The following RBPJ variants were observed in gnomAD, a reference collection of about 807,000 sequenced individuals.
The protein encoded by RBPJ is recombination signal binding protein for immunoglobulin kappa J region, also known as recombining binding protein suppressor of hairless.
In RBPJ, 9 loss-of-function variants were observed where a neutral mutation model predicts 67.8. The observed-to-expected ratio is 0.13, with a 90% CI of 0.08 to 0.23. RBPJ has a LOEUF of 0.23. Ranked by LOEUF, RBPJ falls within the 10% of genes least tolerant of loss-of-function variation. The pLI is 1.00. For synonymous variants in RBPJ, 198 were observed against 203.3 expected (o/e 0.97, Z 0.22); for missense variants, 305 against 595.6 (o/e 0.51, Z 5.08).
chr4:26,364,589 T>C (rs1238291547), intron 1 of RBPJ, among the ~76,000 whole-genome samples: 1 of 145,294 alleles, frequency 6.9e-6, no homozygotes, highest in Non-Finnish European at 1.5e-5. Context: ...TCCTGTTCTA[T>C]TTGGAAGACT....
At chr4:26,205,832 A>G (rs1718149205) in intron 1 of RBPJ, among the ~76,000 whole-genome samples, 1 of 152,026 alleles carries the variant, frequency 6.6e-6, no homozygotes, top group African/African-American at 2.4e-5. Context: ...ACCTCAAGTG[A>G]TCTGCTCACT....
chr4:26,422,100 GTCTC>G (rs1357545929), intron 5 of RBPJ, among the ~76,000 whole-genome samples: 2 of 152,054 alleles, frequency 1.3e-5, no homozygotes, highest in Non-Finnish European at 2.9e-5. Flanking sequence ...ATGTTTCTCT[GTCTC>G]TCTTACTTTC....
At chr4:26,393,427 C>T (rs1317419779) in intron 2 of RBPJ, among the ~76,000 whole-genome samples, 2 of 152,052 alleles carry the variant, frequency 1.3e-5, no homozygotes, top group Non-Finnish European at 2.9e-5. Flanking sequence ...CAGGCTATAG[C>T]GCAGTGGTGT....
chr4:26,254,843 ATTTTTTTTTTTTTTTTTTTTTTT>A (rs71643604), intron 1 of RBPJ, among the ~76,000 whole-genome samples: 3 of 16,548 alleles, frequency 1.8e-4, no homozygotes, highest in South Asian at 3.8e-3. Flanking sequence ...ATGCCCAGCT[ATTTTTTTTTTTTTTTTTTTTTTT>A]TTTTTTTTTT....
At chr4:26,238,027 C>A (rs1290538684) in intron 1 of RBPJ, among the ~76,000 whole-genome samples, 2 of 152,078 alleles carry the variant, frequency 1.3e-5, no homozygotes, top group Non-Finnish European at 2.9e-5. Flanking sequence ...CATTAAAGAG[C>A]TATTTGATCC....
intron 1 of RBPJ, among the ~76,000 whole-genome samples, chr4:26,283,176 G>A (rs188950203): frequency 2.0e-5 from 3 of 147,198 alleles, no homozygotes; most frequent in Admixed American, 6.7e-5. Flanking sequence ...TAATCCACCC[G>A]CCTCGGCCTC....
At chr4:26,171,334 A>G (rs1388075753) in intron 1 of RBPJ, among the ~76,000 whole-genome samples, 1 of 150,896 alleles carries the variant, frequency 6.6e-6, no homozygotes, top group Non-Finnish European at 1.5e-5. Flanking sequence ...ACTGTACAGT[A>G]TACAAGGTAT....
the RBPJ span, among the ~76,000 whole-genome samples, chr4:26,158,018 G>A: frequency 1.3e-5 from 2 of 152,184 alleles, no homozygotes; most frequent in African/African-American, 2.4e-5. Context: ...CCAAATTGCT[G>A]ACCCAGAGAA....
chr4:26,225,119 C>T (rs1350918874), intron 1 of RBPJ, among the ~76,000 whole-genome samples: 1 of 152,164 alleles, frequency 6.6e-6, no homozygotes, highest in African/African-American at 2.4e-5. Context: ...ATGAAAACTT[C>T]AATACCTATC....
the RBPJ span, among the ~76,000 whole-genome samples, chr4:26,134,040 T>C: frequency 1.3e-5 from 2 of 151,514 alleles, no homozygotes; most frequent in Non-Finnish European, 2.9e-5. Flanking sequence ...ATTATCCTTA[T>C]GAGTAACCTA....
intron 1 of RBPJ, among the ~76,000 whole-genome samples, chr4:26,339,241 T>C (rs1725236731): frequency 6.6e-6 from 1 of 152,108 alleles, no homozygotes; most frequent in South Asian, 2.1e-4. Flanking sequence ...CTTGCCATAG[T>C]TTGGTGAGGG....
the RBPJ span, among the ~76,000 whole-genome samples, chr4:26,151,642 G>A: frequency 6.6e-6 from 1 of 152,188 alleles, no homozygotes; most frequent in Non-Finnish European, 1.5e-5. Flanking sequence ...CTGCAAAGGA[G>A]TTTGTCTGAG....
At chr4:26,392,852 C>T (rs1273060649) in intron 2 of RBPJ, among the ~76,000 whole-genome samples, 1 of 152,144 alleles carries the variant, frequency 6.6e-6, no homozygotes, top group Non-Finnish European at 1.5e-5. Flanking sequence ...AGCTTTTATA[C>T]TTGAAAAATA....
At chr4:26,196,831 G>A (rs1717784450) in intron 1 of RBPJ, among the ~76,000 whole-genome samples, 1 of 151,992 alleles carries the variant, frequency 6.6e-6, no homozygotes, top group African/African-American at 2.4e-5. Context: ...CTTTATCCTG[G>A]GCCAAATCTG....
intron 1 of RBPJ, among the ~76,000 whole-genome samples, chr4:26,363,982 CTGTG>C (rs1237161408): frequency 2.0e-5 from 3 of 152,050 alleles, no homozygotes; most frequent in African/African-American, 7.2e-5. Context: ...GATTTTCATA[CTGTG>C]TGTTTGGTAT....
chr4:26,431,140 CGT>C lies in RBPJ; in HGVS notation c.*134_*135del. Reference sequence around the variant, plus strand: ...ACCAGGTGATACTATTCAAAAACCCCGTTGTCTCCCTGCAAGTGCTGATTTGA... The same window carrying C: ...ACCAGGTGATACTATTCAAAAACCCCTGTCTCCCTGCAAGTGCTGATTTGA... On this transcript the variant is annotated 3_prime_UTR_variant, in exon 11 of 11. Transcript: ENST00000355476. The C allele has an allele frequency of 1.9e-6, 1 of 536,068 alleles. No individual in the cohort carries two copies. Among genetic ancestry groups the C allele is most frequent in the Non-Finnish European group, 3.2e-6 (1 of 317,408 alleles). 33.2% of individuals were successfully genotyped at this position (536,068 alleles called of 1,614,324 possible). A position where few individuals can be genotyped will look rare whatever the true frequency, so the allele number is the denominator to read the frequency against.
intron 1 of RBPJ, among the ~76,000 whole-genome samples, chr4:26,211,217 C>T (rs1026263893): frequency 6.6e-6 from 1 of 152,102 alleles, no homozygotes; most frequent in African/African-American, 2.4e-5. Flanking sequence ...TGTAGTAGCA[C>T]TTTTCTGTAC....
At chr4:26,331,590 C>G (rs555841042) in intron 1 of RBPJ, among the ~76,000 whole-genome samples, 1 of 152,300 alleles carries the variant, frequency 6.6e-6, no homozygotes, top group East Asian at 1.9e-4. Context: ...CCTGCCTGCT[C>G]TTTCCTCGTT....
At chr4:26,344,879 A>C (rs1030217327) in intron 1 of RBPJ, among the ~76,000 whole-genome samples, 4 of 152,228 alleles carry the variant, frequency 2.6e-5, no homozygotes, top group African/African-American at 9.6e-5. Context: ...TCTTAAAGGC[A>C]ATGCTTAACA....
Sources: gnomAD v4.1 joint callset for allele counts (sites outside exome capture counted in the v4.1 genomes callset) on GRCh38, gnomAD v4.1.1 for gene constraint, MANE v1.5 for transcripts, NCBI Gene and HGNC (gene_info 2026-07-23, HGNC 2026-07-21) for gene names.